Variants in NF2 observed in about 807,000 individuals in gnomAD.
NF2 encodes NF2, moesin-ezrin-radixin like (MERLIN) tumor suppressor.
In NF2, 8 loss-of-function variants were observed where a neutral mutation model predicts 83.7. The ratio of observed to expected loss-of-function variants is 0.10; its 90% CI spans 0.06 to 0.17. The LOEUF (loss-of-function observed/expected upper bound fraction) is 0.17, where lower values mean the gene tolerates loss of function less well. Among genes scored for constraint, NF2 ranks in the 10% least tolerant of loss-of-function variants. The probability of loss-of-function intolerance (pLI) is 1.00; values close to 1 mark genes in which losing one functional copy is unlikely to be tolerated. For synonymous variants in NF2, 266 were observed against 269.6 expected (o/e 0.99, Z 0.13); for missense variants, 533 against 744.4 (o/e 0.72, Z 3.31).
rs1285597031 is a variant in NF2, at chr22:29,697,786, G to A, written c.*2984G>A. 1.1e-5 allele frequency: 2 copies of A among 179,194 alleles called. No individual in the cohort carries two copies. Among genetic ancestry groups the A allele is most frequent in the East Asian group, 9.2e-5 (1 of 10,834 alleles). 11.1% of individuals were successfully genotyped at this position (179,194 alleles called of 1,614,324 possible). On this transcript the variant is annotated 3_prime_UTR_variant, in exon 16 of 16. Transcript: ENST00000338641. ...TCTCCATGTCGGTCAGGCTGGTCTC[G>A]AACTCCCGACCTCAGGTGATCTGCC...
At chr22:29,671,755 C>T (rs2147069514) in intron 10 of NF2, 71 bp from the exon 11 acceptor site, 1 of 1,609,290 alleles carries the variant, frequency 6.2e-7, no homozygotes, top group East Asian at 2.2e-5. Context: ...GATGGGGCAT[C>T]TTTGGGCCCT....
At chr22:29,689,991 G>A (rs1223098453) in intron 15 of NF2, among the ~76,000 whole-genome samples, 2 of 152,236 alleles carry the variant, frequency 1.3e-5, no homozygotes, top group African/African-American at 2.4e-5. Flanking sequence ...TTGGCCGTGC[G>A]CCTCATGCTG....
intron 3 of NF2, among the ~76,000 whole-genome samples, chr22:29,641,167 A>T (rs2065800149): frequency 1.4e-5 from 2 of 138,308 alleles, no homozygotes; most frequent in Admixed American, 1.6e-4. Context: ...GTTTTTCTAT[A>T]GCGTTGCTTT....
At position 29,693,042 on chromosome 22, in the gene NF2, CCTGAGCGGAGATA is replaced by C. The variant is rs1388174195; in HGVS notation, c.1738-1706_1738-1694del. Among the ~76,000 whole-genome samples the C allele has an allele frequency of 2.0e-5, 3 of 152,346 alleles. No individual in the cohort carries two copies. The East Asian group carries it at 5.8e-4, about 29-fold the overall frequency. ...TCAAAGTGGCTGTTCTTTTCAGAAA[CCTGAGCGGAGATA>C]CTGGGCTCACATGCTTTCATTTAAA... On this transcript the variant is annotated intron_variant, in intron 15 of 15. Transcript: ENST00000338641.
At chr22:29,669,573 G>A (rs1159744005) in intron 10 of NF2, among the ~76,000 whole-genome samples, 1 of 152,130 alleles carries the variant, frequency 6.6e-6, no homozygotes, top group African/African-American at 2.4e-5. Context: ...GAAGGAGGAG[G>A]AGAGCTTTCT....
intron 1 of NF2, among the ~76,000 whole-genome samples, chr22:29,618,393 G>A (rs532068107): frequency 3.3e-5 from 5 of 152,254 alleles, no homozygotes; most frequent in Admixed American, 2.0e-4. Context: ...TTTCAGAACC[G>A]GTGGCATTTA....
intron 1 of NF2, among the ~76,000 whole-genome samples, chr22:29,625,187 A>G (rs923873388): frequency 6.6e-6 from 1 of 152,082 alleles, no homozygotes. Flanking sequence ...TCGGCCTCCC[A>G]AAGTGTTGGG....
intron 7 of NF2, among the ~76,000 whole-genome samples, chr22:29,660,612 C>G (rs2066449882): frequency 2.6e-5 from 4 of 152,250 alleles, no homozygotes; most frequent in Admixed American, 2.0e-4. Flanking sequence ...CTTTGTCGAC[C>G]AGGCTGGAGT....
chr22:29,626,257 G>A (rs771512529), intron 1 of NF2, among the ~76,000 whole-genome samples: 1 of 150,760 alleles, frequency 6.6e-6, no homozygotes, highest in Non-Finnish European at 1.5e-5. Context: ...GGGTTCAAGC[G>A]ATTCTCTTGC....
chr22:29,666,984 A>T (rs2066642748), intron 9 of NF2, among the ~76,000 whole-genome samples: 2 of 152,228 alleles, frequency 1.3e-5, no homozygotes, highest in Non-Finnish European at 2.9e-5. Context: ...CTCCAAAAAA[A>T]AAATAAATAC....
intron 1 of NF2, among the ~76,000 whole-genome samples, chr22:29,613,467 G>A (rs925824859): frequency 6.6e-6 from 1 of 152,108 alleles, no homozygotes; most frequent in Non-Finnish European, 1.5e-5. Context: ...GGAGGTGGAG[G>A]TTGCAGTGAG....
intron 9 of NF2, among the ~76,000 whole-genome samples, chr22:29,667,305 A>G (rs1735806892): frequency 6.6e-6 from 1 of 151,984 alleles, no homozygotes; most frequent in South Asian, 2.1e-4. Context: ...TGACACGATC[A>G]TGTCTCACTG....
intron 13 of NF2, 99 bp downstream of exon 13, chr22:29,675,040 ATTC>A: frequency 1.0e-6 from 1 of 994,512 alleles, no homozygotes; most frequent in Non-Finnish European, 1.5e-6. Context: ...CAGGGTGACC[ATTC>A]AGGCAAACAC....
chr22:29,696,066 CTTTTTTTTTTTTTT>C lies in NF2; in HGVS notation c.*1274_*1287del, dbSNP rs886057354. 1 of 144,640 alleles carries C rather than the reference CTTTTTTTTTTTTTT, an allele frequency of 6.9e-6. No homozygotes were observed. The highest frequency in any genetic ancestry group is 3.4e-5 in the African/African-American group (1 of 29,696). The allele number at this position is 144,640 out of a possible 1,614,324, so 9.0% of individuals were successfully genotyped here. ...GTCTGGGGCCACCTTCTTGCCCTTT[CTTTTTTTTTTTTTT>C]TTTTTTTTTCCGAGATGGAGTCTCT... On this transcript the variant is annotated 3_prime_UTR_variant, in exon 16 of 16. Coordinates refer to ENST00000338641, the MANE Select transcript of NF2 (RefSeq NM_000268.4).
chr22:29,630,560 G>C (rs2065481544), intron 1 of NF2, among the ~76,000 whole-genome samples: 1 of 152,224 alleles, frequency 6.6e-6, no homozygotes, highest in Non-Finnish European at 1.5e-5. Flanking sequence ...TAGTCTCTAT[G>C]CCTGAAGGGC....
At chr22:29,611,341 G>T (rs1005396058) in intron 1 of NF2, among the ~76,000 whole-genome samples, 1 of 151,938 alleles carries the variant, frequency 6.6e-6, no homozygotes, top group Non-Finnish European at 1.5e-5. Flanking sequence ...TGGCCAACAT[G>T]GTGAAACCCT....
At chr22:29,680,681 G>A (rs1791053376) in intron 14 of NF2, among the ~76,000 whole-genome samples, 1 of 152,130 alleles carries the variant, frequency 6.6e-6, no homozygotes, top group South Asian at 2.1e-4. Context: ...CGTTGGGTGA[G>A]CTTCTGAGTG....
intron 8 of NF2, among the ~76,000 whole-genome samples, chr22:29,664,443 G>C (rs2066561249): frequency 6.6e-6 from 1 of 150,878 alleles, no homozygotes; most frequent in Non-Finnish European, 1.5e-5. Context: ...TTCTGGTTTT[G>C]CCCTGTGCAG....
rs537215457 is a variant in NF2 at position 29,644,045 on chromosome 22, G to A, written c.447+1760G>A. On this transcript the variant is annotated intron_variant, in intron 4 of 15. Transcript: ENST00000338641. Reference sequence around the variant, plus strand: ...TGACCCCCCCACCTCCCTCCCGGACGGGGTGGCTGCCGGGCGGAGACGCTC... The same window carrying A: ...TGACCCCCCCACCTCCCTCCCGGACAGGGTGGCTGCCGGGCGGAGACGCTC... Among the ~76,000 whole-genome samples, 42 of 149,016 alleles carry A rather than the reference G, an allele frequency of 2.8e-4. No individual in the cohort carries two copies. In the East Asian group the frequency reaches 4.8e-3, roughly 17 times the overall value.
Sources: allele counts gnomAD v4.1 joint callset (sites outside exome capture counted in the v4.1 genomes callset), GRCh38; gene constraint gnomAD v4.1.1; transcripts MANE v1.5; gene names NCBI Gene and HGNC (gene_info 2026-07-23, HGNC 2026-07-21).